CHRNB1: variants seen among roughly 807,000 people sequenced by gnomAD.
CHRNB1 encodes the protein acetylcholine receptor subunit beta.
CHRNB1 carries 47 observed loss-of-function variants against 53.8 expected under a neutral mutation model. The ratio of observed to expected loss-of-function variants is 0.87; its 90% CI spans 0.69 to 1.11. CHRNB1 has a LOEUF of 1.11. Among genes scored for constraint, CHRNB1 ranks in the 50% most tolerant of loss-of-function variants. The pLI is 0.00. For synonymous variants in CHRNB1, 259 were observed against 263.5 expected (o/e 0.98, Z 0.16); for missense variants, 605 against 654.9 (o/e 0.92, Z 0.83).
At position 7,456,850 on chromosome 17, in the gene CHRNB1, G is replaced by C. The variant is rs2069957998; in HGVS notation, c.*127G>C. On this transcript the variant is annotated 3_prime_UTR_variant, in exon 11 of 11. Coordinates refer to ENST00000306071, the MANE Select transcript of CHRNB1 (RefSeq NM_000747.3). ...ATCTGGGCCTCTTATTTCGTTTCTG[G>C]GGACTGCATTGGACTGAGGGCTGGG... 1 of 1,303,770 alleles carries C rather than the reference G, an allele frequency of 7.7e-7. No individual in the cohort carries two copies. 80.8% of individuals were successfully genotyped at this position (1,303,770 alleles called of 1,614,324 possible).
Position 7,446,692 on chromosome 17 carries a change from G to A in CHRNB1, c.244-141G>A, listed in dbSNP as rs538968981. On this transcript the variant is annotated intron_variant, in intron 3 of 10. Transcript: ENST00000306071. ...CCCAGCGAGTGAAGGCGGAGCCAGA[G>A]CCAGAACCACGGCCCCTTGACCCAC... is the stretch of plus-strand genomic sequence containing the variant. 98 of 664,330 alleles carry A rather than the reference G, an allele frequency of 1.5e-4. 1 individual carries two copies. The highest frequency in any genetic ancestry group is 1.4e-3 in the South Asian group (83 of 57,550). 41.2% of individuals were successfully genotyped at this position (664,330 alleles called of 1,614,324 possible). A position where few individuals can be genotyped will look rare whatever the true frequency, so the allele number is the denominator to read the frequency against.
rs2150836730 is a variant in CHRNB1 at position 7,445,119 on chromosome 17, C to A, written c.-9C>A. 2 of 1,607,016 alleles carry A rather than the reference C, an allele frequency of 1.2e-6. No homozygotes were observed. Among genetic ancestry groups the A allele is most frequent in the East Asian group, 2.2e-5 (1 of 44,774 alleles). On this transcript the variant is annotated 5_prime_UTR_variant, in exon 1 of 11. Transcript: ENST00000306071. The surrounding 1 kb of genome is among the most constrained non-coding windows in gnomAD (Gnocchi z 5.7). The stretch of plus-strand genomic sequence containing the variant: ...CTCTGAGCGAAGTCACTGAGCGAGC[C>A]GCCAGGCTATGACCCCAGGGGCTCT...
intron 7 of CHRNB1, among the ~76,000 whole-genome samples, chr17:7,449,104 A>AT (rs34122873): frequency 0.35 from 46,906 of 132,588 alleles, 8,631 homozygotes; most frequent in South Asian, 0.49. Context: ...TACTCCTTTA[A>AT]TTTTTTTTTT....
intron 3 of CHRNB1, 66 bp downstream of exon 3, chr17:7,446,179 C>A: frequency 2.2e-6 from 3 of 1,343,350 alleles, no homozygotes; most frequent in Non-Finnish European, 3.2e-6. Context: ...GAATATCCAG[C>A]CCAGTAAGAA....
Position 7,445,811 on chromosome 17 carries a change from G to A in CHRNB1, c.199-258G>A, listed in dbSNP as rs180900017. The A allele has an allele frequency of 8.1e-6, 5 of 620,450 alleles. No individual in the cohort carries two copies. Among genetic ancestry groups the A allele is most frequent in the Admixed American group, 5.9e-5 (2 of 34,074 alleles). The allele number at this position is 620,450 out of a possible 1,614,324, so 38.4% of individuals were successfully genotyped here. On this transcript the variant is annotated intron_variant, in intron 2 of 10. Coordinates refer to ENST00000306071, the MANE Select transcript of CHRNB1 (RefSeq NM_000747.3). The surrounding 1 kb of genome is among the most constrained non-coding windows in gnomAD (Gnocchi z 5.7). The stretch of plus-strand genomic sequence containing the variant: ...TGGATTATGAGCTGAAGGCAGGGCC[G>A]GGGACAGAGCTAGGCGGAGGGCTAG...
At chr17:7,455,683 G>C (rs974322145) in intron 9 of CHRNB1, 111 bp from the exon 10 acceptor site, 3 of 1,440,766 alleles carry the variant, frequency 2.1e-6, no homozygotes, top group Admixed American at 3.3e-5. Context: ...AAGCATGATG[G>C]GCTCTCGGGT....
At position 7,447,559 on chromosome 17, in the gene CHRNB1, C is replaced by T; in HGVS notation, c.519C>T (p.Ser173=). The change falls in exon 6 of 11, where the codon AGC becomes AGT. Residue 173 remains serine (S), a synonymous_variant. Transcript: ENST00000306071. Reference sequence around the variant, plus strand: ...GCACTATGGTGTTCAGCTCCTACAGCTACGACAGCTCGGAGGTCAGCCTGC... The same window carrying T: ...GCACTATGGTGTTCAGCTCCTACAGTTACGACAGCTCGGAGGTCAGCCTGC... The part of the protein sequence containing the change: ...QNCTMVFSSY[S]YDSSEVSLQT... 6.2e-7 allele frequency: 1 copy of T among 1,614,206 alleles called. No individual in the cohort carries two copies. The highest frequency in any genetic ancestry group is 8.5e-7 in the Non-Finnish European group (1 of 1,180,046).
chr17:7,454,896 A>C (rs1379024207), intron 8 of CHRNB1, among the ~76,000 whole-genome samples: 1 of 134,142 alleles, frequency 7.5e-6, no homozygotes, highest in Non-Finnish European at 1.5e-5. Flanking sequence ...TTCACCTCCC[A>C]GGTTCCAGCG....
At chr17:7,448,821 C>T in intron 7 of CHRNB1, 33 bp downstream of exon 7, 1 of 1,600,092 alleles carries the variant, frequency 6.2e-7, no homozygotes, top group Non-Finnish European at 8.6e-7. Flanking sequence ...ACTCTTTTGT[C>T]ATTGGCTCAG....
Position 7,448,610 on chromosome 17 carries a change from C to T in CHRNB1, c.642C>T (p.Pro214=), listed in dbSNP as rs1233209647. 2 of 1,614,168 alleles carry T rather than the reference C, an allele frequency of 1.2e-6. No homozygotes were observed. Among genetic ancestry groups the T allele is most frequent in the Non-Finnish European group, 1.7e-6 (2 of 1,180,024 alleles). Residue 214 remains proline, a synonymous_variant, in exon 7 of 11, where the codon CCC becomes CCT. Transcript: ENST00000306071. ...GCCAGTGGGAGATTATCCACAAGCC[C>T]TCTCGGCTAATCCAGCCTCCAGGCG... ...ENGQWEIIHK[P]SRLIQPPGDP...
In CHRNB1 at chr17:7,445,143, C is replaced by T; in HGVS notation, c.16C>T (p.Leu6=). 1 of 1,609,260 alleles carries T rather than the reference C, an allele frequency of 6.2e-7. No individual in the cohort carries two copies. MTPGA[L]LMLLGALGAP... Reference sequence around the variant, plus strand: ...CCGCCAGGCTATGACCCCAGGGGCTCTGCTGATGCTGCTGGGGGCGCTGGG... The same window carrying T: ...CCGCCAGGCTATGACCCCAGGGGCTTTGCTGATGCTGCTGGGGGCGCTGGG... Residue 6 remains leucine, a synonymous_variant, in exon 1 of 11, where the codon CTG becomes TTG. Coordinates refer to ENST00000306071, the MANE Select transcript of CHRNB1 (RefSeq NM_000747.3). This position sits in a 1 kb window ranked among gnomAD's most constrained non-coding sequence, Gnocchi z 5.7.
chr17:7,447,782 A>T, intron 6 of CHRNB1, 132 bp downstream of exon 6: 4 of 1,126,438 alleles, frequency 3.6e-6, no homozygotes, highest in Admixed American at 3.9e-5. Context: ...TCTACATTTT[A>T]AAAGTATGGA....
rs760765706 is a variant in CHRNB1, at chr17:7,456,680, T to C, written c.1463T>C (p.Leu488Pro). The change falls in exon 11 of 11, where the codon CTG becomes CCG. Residue 488 changes from leucine to proline, a missense_variant. Transcript: ENST00000306071. The part of the protein sequence containing the change: ...FTSVGTLVIF[L>P]DATYHLPPPD... ...AGCGTTGGGACCCTAGTCATCTTCC[T>C]GGACGCCACGTACCACTTGCCCCCT... 6 of 1,614,182 alleles carry C rather than the reference T, an allele frequency of 3.7e-6. No individual in the cohort carries two copies. Among genetic ancestry groups the C allele is most frequent in the Middle Eastern group, 1.6e-4 (1 of 6,062 alleles).
chr17:7,457,171 G>A lies in CHRNB1; in HGVS notation c.*448G>A. The A allele has an allele frequency of 5.1e-6, 1 of 197,750 alleles. No homozygotes were observed. The highest frequency in any genetic ancestry group is 1.1e-5 in the Non-Finnish European group (1 of 93,584). The allele number at this position is 197,750 out of a possible 1,614,324, so 12.2% of individuals were successfully genotyped here. A position where few individuals can be genotyped will look rare whatever the true frequency, so the allele number is the denominator to read the frequency against. On this transcript the variant is annotated 3_prime_UTR_variant, in exon 11 of 11. Transcript: ENST00000306071. ...TGTCTCTACTAAAAATACAAAATTAGCCAGGTGTGGTGGTACATGCCTGTA... is the reference window on the plus strand; with the variant it reads ...TGTCTCTACTAAAAATACAAAATTAACCAGGTGTGGTGGTACATGCCTGTA...
rs936030338 is a variant in CHRNB1 at position 7,445,494 on chromosome 17, G to C, written c.198+85G>C. 1 of 1,564,448 alleles carries C rather than the reference G, an allele frequency of 6.4e-7. No homozygotes were observed. ...GCAAGGCCGGACCAGGGACAGGCTG[G>C]GGGCGGGGCCTGGGACGAGACCAGG... On this transcript the variant is annotated intron_variant, in intron 2 of 10. Transcript: ENST00000306071. The surrounding 1 kb of genome is among the most constrained non-coding windows in gnomAD (Gnocchi z 5.7).
At position 7,455,802 on chromosome 17, in the gene CHRNB1, C is replaced by G. The variant is rs933481369; in HGVS notation, c.1226C>G (p.Pro409Arg). 6.2e-7 allele frequency: 1 copy of G among 1,614,056 alleles called. No homozygotes were observed. The highest frequency in any genetic ancestry group is 8.5e-7 in the Non-Finnish European group (1 of 1,180,038). ...AGTCACTCCTCTTCCAGGTTCCAGC[C>G]TGAACTGTCTGCCCCTGATCTGCGG... ...FLFPKPNRFQ[P>R]ELSAPDLRRF... Residue 409 changes from proline (P) to arginine (R), a missense_variant, in exon 10 of 11, where the codon CCT (proline) becomes CGT (arginine). Coordinates refer to ENST00000306071, the MANE Select transcript of CHRNB1 (RefSeq NM_000747.3).
intron 6 of CHRNB1, 149 bp downstream of exon 6, chr17:7,447,799 C>T (rs1908703878): frequency 2.6e-5 from 26 of 1,015,906 alleles, no homozygotes; most frequent in Non-Finnish European, 3.4e-5. Flanking sequence ...TGGAAATTGC[C>T]GGGGGCAGTG....
Position 7,445,526 on chromosome 17 carries a change from T to C in CHRNB1, c.198+117T>C. The C allele has an allele frequency of 1.3e-6, 2 of 1,531,502 alleles. No homozygotes were observed. Among genetic ancestry groups the C allele is most frequent in the Non-Finnish European group, 1.7e-6 (2 of 1,143,306 alleles). 94.9% of individuals were successfully genotyped at this position (1,531,502 alleles called of 1,614,324 possible). On this transcript the variant is annotated intron_variant, in intron 2 of 10. Coordinates refer to ENST00000306071, the MANE Select transcript of CHRNB1 (RefSeq NM_000747.3). The surrounding 1 kb of genome is among the most constrained non-coding windows in gnomAD (Gnocchi z 5.7). ...GGCCTGGGACGAGACCAGGCTGAGATGGACCAGCCTTTGGTGAAGATTGGA... is the reference window on the plus strand; with the variant it reads ...GGCCTGGGACGAGACCAGGCTGAGACGGACCAGCCTTTGGTGAAGATTGGA...
intron 7 of CHRNB1, among the ~76,000 whole-genome samples, chr17:7,449,027 A>G (rs1597751168): frequency 6.7e-6 from 1 of 149,244 alleles, no homozygotes; most frequent in African/African-American, 2.5e-5. Flanking sequence ...TGAACCACAA[A>G]CCTCCAGGCT....
Sources: allele counts gnomAD v4.1 joint callset (sites outside exome capture counted in the v4.1 genomes callset), GRCh38; gene constraint gnomAD v4.1.1; non-coding constraint Gnocchi (gnomAD v3.1); transcripts MANE v1.5; gene names NCBI Gene and HGNC (gene_info 2026-07-23, HGNC 2026-07-21).